The following SLC24A2 variants were observed in gnomAD, a reference collection of about 807,000 sequenced individuals.
SLC24A2 encodes the protein solute carrier family 24 member 2.
SLC24A2 carries 36 observed loss-of-function variants against 62.0 expected under a neutral mutation model. The observed-to-expected ratio is 0.58, with a 90% CI of 0.44 to 0.77. The LOEUF (loss-of-function observed/expected upper bound fraction) is 0.77, where lower values mean the gene tolerates loss of function less well. SLC24A2 is among the 30% of genes least tolerant of loss of function. The pLI is 0.00. For synonymous variants in SLC24A2, 358 were observed against 294.0 expected, an observed-to-expected ratio of 1.22 and a Z score of -2.23; for missense variants, 846 against 817.9, an observed-to-expected ratio of 1.03 and a Z score of -0.42.
At chr9:19,660,192 G>A (rs568620565) in intron 2 of SLC24A2, among the ~76,000 whole-genome samples, 78 of 152,322 alleles carry the variant, frequency 5.1e-4, no homozygotes, top group South Asian at 1.2e-3. Context: ...GAAGCAGGTG[G>A]AGGAAGCTGC....
At chr9:20,035,808 T>C in the SLC24A2 span, among the ~76,000 whole-genome samples, 1 of 152,070 alleles carries the variant, frequency 6.6e-6, no homozygotes, top group Non-Finnish European at 1.5e-5. Context: ...CTTTGAAAGG[T>C]TTAAAAGTTG....
At chr9:20,191,859 C>A in the SLC24A2 span, among the ~76,000 whole-genome samples, 6 of 152,146 alleles carry the variant, frequency 3.9e-5, no homozygotes, top group Admixed American at 3.3e-4. Context: ...ATACTTGAGG[C>A]AGCATGTCTT....
the SLC24A2 span, among the ~76,000 whole-genome samples, chr9:20,302,512 G>T: frequency 1.1e-4 from 16 of 152,226 alleles, no homozygotes; most frequent in East Asian, 5.8e-4. Flanking sequence ...ATGCTTATTT[G>T]CCATCTGTAT....
intron 9 of SLC24A2, among the ~76,000 whole-genome samples, chr9:19,525,120 C>A (rs935120041): frequency 7.2e-5 from 11 of 152,030 alleles, no homozygotes; most frequent in African/African-American, 2.4e-4. Context: ...ATAATGACTC[C>A]AAGGCACAGA....
At chr9:20,033,275 G>A in the SLC24A2 span, among the ~76,000 whole-genome samples, 4 of 152,140 alleles carry the variant, frequency 2.6e-5, no homozygotes, top group African/African-American at 9.7e-5. Flanking sequence ...CCAAATTCAA[G>A]CTTCTCCACT....
At chr9:19,925,737 G>GAC in the SLC24A2 span, among the ~76,000 whole-genome samples, 1 of 152,182 alleles carries the variant, frequency 6.6e-6, no homozygotes, top group Non-Finnish European at 1.5e-5. Context: ...GATCTGATGT[G>GAC]ACAGGGTTCC....
intron 5 of SLC24A2, among the ~76,000 whole-genome samples, chr9:19,589,608 T>C (rs1220059223): frequency 1.3e-5 from 2 of 152,230 alleles, no homozygotes; most frequent in Non-Finnish European, 2.9e-5. Flanking sequence ...AAAGGTCTGT[T>C]TCACTTATGT....
chr9:19,952,463 C>A, the SLC24A2 span, among the ~76,000 whole-genome samples: 1 of 151,974 alleles, frequency 6.6e-6, no homozygotes, highest in African/African-American at 2.4e-5. Flanking sequence ...CTGGTTTTAT[C>A]TTGAAAGTGC....
At chr9:19,889,895 T>C in the SLC24A2 span, among the ~76,000 whole-genome samples, 1 of 152,342 alleles carries the variant, frequency 6.6e-6, no homozygotes, top group South Asian at 2.1e-4. Context: ...ATTTAAAGCA[T>C]TGTTCTTTCT....
chr9:19,850,985 GTATA>G, the SLC24A2 span, among the ~76,000 whole-genome samples: 1 of 19,236 alleles, frequency 5.2e-5, no homozygotes, highest in African/African-American at 1.7e-4. Flanking sequence ...ATATATATAT[GTATA>G]TATATATATA....
chr9:20,108,592 G>A, the SLC24A2 span, among the ~76,000 whole-genome samples: 3,526 of 151,348 alleles, frequency 0.023, 55 homozygotes, highest in Non-Finnish European at 0.035. Context: ...GTAAACTATC[G>A]CAAGAACAAA....
chr9:19,584,533 G>C (rs1330726460), intron 5 of SLC24A2, among the ~76,000 whole-genome samples: 4 of 152,112 alleles, frequency 2.6e-5, no homozygotes, highest in African/African-American at 9.7e-5. Flanking sequence ...GCAACTAGAA[G>C]AAACAAATCC....
intron 2 of SLC24A2, among the ~76,000 whole-genome samples, chr9:19,765,455 T>C (rs570084659): frequency 2.0e-5 from 3 of 152,220 alleles, no homozygotes; most frequent in Non-Finnish European, 2.9e-5. Flanking sequence ...TTTCCATATT[T>C]AGTGCTTCCT....
the SLC24A2 span, among the ~76,000 whole-genome samples, chr9:19,999,186 G>A: frequency 9.8e-5 from 15 of 152,340 alleles, no homozygotes; most frequent in African/African-American, 3.6e-4. Context: ...GGGAGCCACG[G>A]CTTTGCCTGT....
chr9:20,208,741 G>A, the SLC24A2 span, among the ~76,000 whole-genome samples: 3 of 152,164 alleles, frequency 2.0e-5, no homozygotes, highest in Admixed American at 2.0e-4. Flanking sequence ...CTACTGCCCA[G>A]AAGCTGAAAC....
the SLC24A2 span, among the ~76,000 whole-genome samples, chr9:19,922,949 T>A: frequency 6.7e-6 from 1 of 149,956 alleles, no homozygotes; most frequent in Non-Finnish European, 1.5e-5. Flanking sequence ...TTTTTATGAG[T>A]GTGTTGGCCT....
At chr9:19,597,568 T>A (rs990727200) in intron 4 of SLC24A2, among the ~76,000 whole-genome samples, 1 of 152,212 alleles carries the variant, frequency 6.6e-6, no homozygotes, top group African/African-American at 2.4e-5. Flanking sequence ...CAAAGATAAC[T>A]TCACCCCAGG....
the SLC24A2 span, among the ~76,000 whole-genome samples, chr9:20,111,808 A>T: frequency 6.6e-6 from 1 of 152,092 alleles, no homozygotes; most frequent in South Asian, 2.1e-4. Context: ...CCACTGGGGG[A>T]TGCTTCTCCA....
At chr9:19,770,089 G>A (rs1475513797) in intron 2 of SLC24A2, among the ~76,000 whole-genome samples, 3 of 150,934 alleles carry the variant, frequency 2.0e-5, no homozygotes, top group Non-Finnish European at 4.4e-5. Context: ...GACTGCATTC[G>A]CTGCTTCTAA....
Sources: gnomAD v4.1 joint callset for allele counts (sites outside exome capture counted in the v4.1 genomes callset) on GRCh38, gnomAD v4.1.1 for gene constraint, MANE v1.5 for transcripts, NCBI Gene and HGNC (gene_info 2026-07-23, HGNC 2026-07-21) for gene names.